Variants in GRIN2D observed in about 807,000 individuals in gnomAD.
GRIN2D encodes the protein glutamate ionotropic receptor NMDA type subunit 2D.
In GRIN2D, 37 loss-of-function variants were observed where a neutral mutation model predicts 103.2. The observed-to-expected ratio is 0.36, with a 90% confidence interval of 0.28 to 0.47. The LOEUF (loss-of-function observed/expected upper bound fraction) is 0.47. GRIN2D is among the 20% of genes least tolerant of loss of function. GRIN2D has a pLI of 1.00. For missense variants in GRIN2D, 1,557 were observed against 1,910.6 expected, an observed-to-expected ratio of 0.81 and a Z score of 3.45; for synonymous variants, 845 against 885.6, an observed-to-expected ratio of 0.95 and a Z score of 0.81.
At chr19:48,431,314 C>T (rs929904347) in intron 11 of GRIN2D, among the ~76,000 whole-genome samples, 5 of 152,110 alleles carry the variant, frequency 3.3e-5, no homozygotes, top group Admixed American at 6.5e-5. Context: ...AGGCACATAG[C>T]GGGTATATTT....
intron 10 of GRIN2D, among the ~76,000 whole-genome samples, chr19:48,420,481 C>A (rs760795953): frequency 7.2e-5 from 11 of 151,920 alleles, no homozygotes; most frequent in Non-Finnish European, 1.6e-4. Context: ...TAAAATTCAA[C>A]GGAAATGAAT....
chr19:48,424,235 G>A (rs964807420), intron 11 of GRIN2D, among the ~76,000 whole-genome samples: 8 of 141,658 alleles, frequency 5.6e-5, no homozygotes, highest in Non-Finnish European at 9.0e-5. Flanking sequence ...GTGAAACATA[G>A]TGAGACCCCC....
At position 48,398,452 on chromosome 19, in the gene GRIN2D, G is replaced by C; in HGVS notation, c.60G>C (p.Leu20=). 1.8e-6 allele frequency: 2 copies of C among 1,095,336 alleles called. No individual in the cohort carries two copies. Among genetic ancestry groups the C allele is most frequent in the Non-Finnish European group, 1.1e-6 (1 of 901,502 alleles). The allele number at this position is 1,095,336 out of a possible 1,614,324, so 67.9% of individuals were successfully genotyped here. The change falls in exon 3 of 14, where the codon CTG becomes CTC. Residue 20 remains leucine, a synonymous_variant. Coordinates refer to ENST00000263269, the MANE Select transcript of GRIN2D (RefSeq NM_000836.4). ...GCCCCGCTAAGATGCTGCTGCTGCT[G>C]GCGCTGGCCTGCGCCAGCCCGTTCC... ...PRGPAKMLLL[L]ALACASPFPE...
At chr19:48,408,861 G>A (rs1038994919) in intron 4 of GRIN2D, among the ~76,000 whole-genome samples, 8 of 151,572 alleles carry the variant, frequency 5.3e-5, no homozygotes, top group Admixed American at 1.3e-4. Flanking sequence ...TGGATAAAGC[G>A]AAGGAGCCAA....
intron 4 of GRIN2D, among the ~76,000 whole-genome samples, chr19:48,412,397 G>C (rs1569062984): frequency 7.7e-6 from 1 of 129,296 alleles, no homozygotes; most frequent in Non-Finnish European, 1.7e-5. Flanking sequence ...GAAAGAGAAA[G>C]AAAAGAAAGA....
In GRIN2D at chr19:48,430,453, C is replaced by G. The variant is rs1221587068; in HGVS notation, c.2252+8508C>G. 2.0e-5 allele frequency among the ~76,000 whole-genome samples: 3 copies of G among 151,776 alleles called. No individual in the cohort carries two copies. The East Asian group carries it at 5.8e-4, about 29-fold the overall frequency. On this transcript the variant is annotated intron_variant, in intron 11 of 13. Transcript: ENST00000263269. ...ACCTCAAGTGATTGGCCTGCCTCAG[C>G]CTCCCAAAGTGCTACGATTACAGGC...
rs765547867 is a variant in GRIN2D, at chr19:48,405,332, A to T, written c.1064A>T (p.His355Leu). Residue 355 changes from histidine (H) to leucine (L), a missense_variant, in exon 4 of 14, where the codon CAC (histidine) becomes CTC (leucine). This residue lies in a region of GRIN2D where 490 missense variants were observed against 601.1 expected (regional missense o/e 0.82). Transcript: ENST00000263269. This position sits in a 1 kb window ranked among gnomAD's most constrained non-coding sequence, Gnocchi z 5.1. ...GACTGTCGCGCCCAGAACCGCACCC[A>T]CCGCGGCGAGAGTCTGCATAGGTGA... ...GHDCRAQNRT[H>L]RGESLHRYFM... The T allele has an allele frequency of 3.8e-6, 6 of 1,590,642 alleles. No individual in the cohort carries two copies. The highest frequency in any genetic ancestry group is 5.1e-6 in the Non-Finnish European group (6 of 1,169,328).
intron 4 of GRIN2D, among the ~76,000 whole-genome samples, chr19:48,408,944 T>G (rs575126195): frequency 1.3e-5 from 2 of 152,156 alleles, no homozygotes; most frequent in East Asian, 3.9e-4. Context: ...TGCCTTGTCT[T>G]AGTCTGTTTT....
intron 11 of GRIN2D, among the ~76,000 whole-genome samples, chr19:48,426,562 T>C (rs1483132846): frequency 6.7e-6 from 1 of 149,714 alleles, no homozygotes; most frequent in Admixed American, 6.7e-5. Flanking sequence ...AATTGCCTCT[T>C]TTTTTTTTAT....
intron 2 of GRIN2D, among the ~76,000 whole-genome samples, chr19:48,395,234 ATCTC>A (rs759682370): frequency 1.8e-4 from 26 of 147,200 alleles, no homozygotes; most frequent in South Asian, 8.8e-4. Flanking sequence ...CTGTGCCTCC[ATCTC>A]TCTATCTCAC....
chr19:48,430,378 T>A (rs982396928), intron 11 of GRIN2D, among the ~76,000 whole-genome samples: 1 of 152,154 alleles, frequency 6.6e-6, no homozygotes, highest in African/African-American at 2.4e-5. Flanking sequence ...TTGGTAATTT[T>A]AGTAGAGGTG....
chr19:48,397,338 CT>C (rs986831959), intron 2 of GRIN2D, among the ~76,000 whole-genome samples: 3 of 152,062 alleles, frequency 2.0e-5, no homozygotes, highest in Non-Finnish European at 4.4e-5. Flanking sequence ...TTTTCTCTCC[CT>C]TTTCCTCCCT....
intron 11 of GRIN2D, among the ~76,000 whole-genome samples, chr19:48,438,663 A>C (rs1244421645): frequency 6.6e-6 from 1 of 151,400 alleles, no homozygotes; most frequent in African/African-American, 2.4e-5. Flanking sequence ...CGAACTCCTG[A>C]CCTCATGTGA....
At position 48,442,637 on chromosome 19, in the gene GRIN2D, C is replaced by G. The variant is rs756840979; in HGVS notation, c.2711C>G (p.Pro904Arg). 2.7e-6 allele frequency: 4 copies of G among 1,492,446 alleles called. No homozygotes were observed. In the African/African-American group the frequency reaches 4.2e-5, roughly 16 times the overall value. 92.5% of individuals were successfully genotyped at this position (1,492,446 alleles called of 1,614,324 possible). The stretch of plus-strand genomic sequence containing the variant: ...TGCTGCAGCGCTGAGGCCGCCCCAC[C>G]GCCCGCCAAGCCCCCGCCGCCGCCA... ...YSCCSAEAAP[P>R]PAKPPPPPQP... Residue 904 changes from proline (P) to arginine (R), a missense_variant, in exon 14 of 14, where the codon CCG (proline) becomes CGG (arginine). Transcript: ENST00000263269. The surrounding 1 kb of genome is among the most constrained non-coding windows in gnomAD (Gnocchi z 7.2).
intron 11 of GRIN2D, among the ~76,000 whole-genome samples, chr19:48,430,231 A>G (rs947408206): frequency 1.3e-5 from 2 of 151,920 alleles, no homozygotes; most frequent in African/African-American, 4.8e-5. Flanking sequence ...ACAGGGTCTC[A>G]CTATGTTGCC....
At chr19:48,428,659 G>A (rs917124348) in intron 11 of GRIN2D, among the ~76,000 whole-genome samples, 4 of 152,060 alleles carry the variant, frequency 2.6e-5, no homozygotes, top group African/African-American at 7.2e-5. Context: ...CACTGCGCCC[G>A]GCCCAAGTTC....
chr19:48,398,549 G>A lies in GRIN2D; in HGVS notation c.157G>A (p.Val53Met). ...CCTCGGCGGGGCGCGGCCGCTCAAC[G>A]TGGCGCTCGTGTTCTCGGGGCCCGC... is the stretch of plus-strand genomic sequence containing the variant. The part of the protein sequence containing the change: ...GGLGGARPLN[V>M]ALVFSGPAYA... Residue 53 changes from valine (V) to methionine (M), a missense_variant, in exon 3 of 14, where the codon GTG becomes ATG. Around this residue, in one of 7 missense-constraint regions of GRIN2D, gnomAD observed 490 missense variants for 601.1 expected, o/e 0.82. Coordinates refer to ENST00000263269, the MANE Select transcript of GRIN2D (RefSeq NM_000836.4). The A allele has an allele frequency of 8.7e-7, 1 of 1,151,218 alleles. No homozygotes were observed. The allele number at this position is 1,151,218 out of a possible 1,614,324, so 71.3% of individuals were successfully genotyped here.
chr19:48,402,765 C>CGAGAGAGAGAGAGAGAGAGAGA (rs35263933), intron 3 of GRIN2D, among the ~76,000 whole-genome samples: 9 of 109,004 alleles, frequency 8.3e-5, no homozygotes, highest in African/African-American at 3.3e-4. Context: ...TACTCCTTTA[C>CGAGAGAGAGAGAGAGAGAGAGA]GAGAGAGAGA....
Position 48,442,980 on chromosome 19 carries a change from GC to G in GRIN2D, c.3060del (p.Ala1021ProfsTer497). 6.3e-6 allele frequency: 7 copies of G among 1,110,862 alleles called. No individual in the cohort carries two copies. Among genetic ancestry groups the G allele is most frequent in the Admixed American group, 4.3e-5 (1 of 23,460 alleles). The allele number at this position is 1,110,862 out of a possible 1,614,324, so 68.8% of individuals were successfully genotyped here. On this transcript the variant is annotated frameshift_variant, in exon 14 of 14. Transcript: ENST00000263269. LOFTEE classifies it high-confidence loss of function. This position sits in a 1 kb window ranked among gnomAD's most constrained non-coding sequence, Gnocchi z 7.2. ...AIVRDKEPAEPPAGAFPGFPS... is the reference protein window; with the variant it reads ...AIVRDKEPAEXPAGAFPGFPS... The stretch of plus-strand genomic sequence containing the variant: ...TCGTACGCGACAAGGAGCCAGCCGA[GC>G]CCCCCGCCGGCGCCTTCCCCGGCTT...
Sources: gnomAD v4.1 joint callset for allele counts (sites outside exome capture counted in the v4.1 genomes callset) on GRCh38, gnomAD v4.1.1 for gene constraint, gnomAD v4.1.1 regional missense constraint, Gnocchi (gnomAD v3.1) non-coding constraint, MANE v1.5 for transcripts, NCBI Gene and HGNC (gene_info 2026-07-23, HGNC 2026-07-21) for gene names.